PPTC7: variants seen among roughly 807,000 people sequenced by gnomAD.
PPTC7 encodes protein phosphatase PTC7 homolog.
Under a neutral mutation model 30.8 loss-of-function variants are expected in PPTC7, and 6 were observed. The observed-to-expected ratio is 0.19, with a 90% confidence interval of 0.11 to 0.38. PPTC7 has a LOEUF of 0.38. Among genes scored for constraint, PPTC7 ranks in the 10% least tolerant of loss-of-function variants. The pLI is 1.00. For synonymous variants in PPTC7, 163 were observed against 168.1 expected (o/e 0.97, Z 0.23); for missense variants, 218 against 404.8 (o/e 0.54, Z 3.96).
chr12:110,539,995 G>C (rs772716432), intron 3 of PPTC7, 50 bp from the exon 4 acceptor site: 2 of 1,577,096 alleles, frequency 1.3e-6, no homozygotes, highest in South Asian at 1.2e-5. Flanking sequence ...CTTTACAGAT[G>C]AGTTGAAAAT....
intron 1 of PPTC7, among the ~76,000 whole-genome samples, chr12:110,557,588 CAT>C (rs1174820428): frequency 6.6e-6 from 1 of 152,130 alleles, no homozygotes; most frequent in Non-Finnish European, 1.5e-5. Flanking sequence ...AAGTTTAACA[CAT>C]ATATTAGGCA....
chr12:110,545,855 C>G (rs749940785), intron 3 of PPTC7, 25 bp downstream of exon 3: 1 of 1,611,318 alleles, frequency 6.2e-7, no homozygotes, highest in Admixed American at 1.7e-5. Flanking sequence ...CCTGCTCACA[C>G]TTAATGGCTG....
chr12:110,561,225 C>G (rs1248303844), intron 1 of PPTC7, among the ~76,000 whole-genome samples: 1 of 152,136 alleles, frequency 6.6e-6, no homozygotes, highest in Non-Finnish European at 1.5e-5. Context: ...GCATGAAGCA[C>G]TGTAACTAGA....
chr12:110,568,401 T>C (rs892117406), intron 1 of PPTC7, among the ~76,000 whole-genome samples: 6 of 151,892 alleles, frequency 4.0e-5, no homozygotes, highest in Admixed American at 6.6e-5. Context: ...TACAGGCGCC[T>C]GCCACCACGC....
chr12:110,545,959 C>T lies in PPTC7; in HGVS notation c.523G>A (p.Glu175Lys). 2 of 1,614,186 alleles carry T rather than the reference C, an allele frequency of 1.2e-6. No homozygotes were observed. Among genetic ancestry groups the T allele is most frequent in the African/African-American group, 2.7e-5 (2 of 75,050 alleles). Residue 175 changes from glutamate to lysine, a missense_variant, in exon 3 of 6, where the codon GAG becomes AAG. Physicochemically the swap from Glu to Lys is moderately conservative, Grantham distance 56 (BLOSUM62 1). Coordinates refer to ENST00000354300, the MANE Select transcript of PPTC7 (RefSeq NM_139283.2). ...GGAGTGTTGAAGTAATGCTGCTGCT[C>T]ATCTGATCGGTGCACGACTTCACCA... is the stretch of plus-strand genomic sequence containing the variant. ...RGGEVVHRSD[E>K]QQHYFNTPFQ...
At chr12:110,559,079 A>T (rs568895534) in intron 1 of PPTC7, among the ~76,000 whole-genome samples, 154 of 152,268 alleles carry the variant, frequency 1.0e-3, no homozygotes, top group Non-Finnish European at 2.0e-3. Flanking sequence ...GCTGGAGTGC[A>T]GTGGTGCAAA....
chr12:110,556,378 G>T (rs1334951193), intron 1 of PPTC7, among the ~76,000 whole-genome samples: 2 of 152,084 alleles, frequency 1.3e-5, no homozygotes, highest in Admixed American at 6.6e-5. Context: ...GTTGTATTTG[G>T]GATGAGAATC....
At chr12:110,564,137 A>G (rs1217893073) in intron 1 of PPTC7, among the ~76,000 whole-genome samples, 1 of 152,044 alleles carries the variant, frequency 6.6e-6, no homozygotes, top group Non-Finnish European at 1.5e-5. Context: ...AGGTCACTTC[A>G]CTCCTTTCTG....
intron 3 of PPTC7, among the ~76,000 whole-genome samples, chr12:110,543,679 C>T (rs766071737): frequency 2.4e-4 from 36 of 152,146 alleles, no homozygotes; most frequent in African/African-American, 7.0e-4. Flanking sequence ...TTGGACAGTT[C>T]GTCCTCTCCT....
intron 1 of PPTC7, among the ~76,000 whole-genome samples, chr12:110,556,902 C>G (rs1013717027): frequency 2.0e-5 from 3 of 152,142 alleles, no homozygotes; most frequent in Non-Finnish European, 4.4e-5. Flanking sequence ...GCCTCAAGAA[C>G]AGTGCCAGCC....
chr12:110,555,573 A>G (rs2064379986), intron 1 of PPTC7, among the ~76,000 whole-genome samples: 1 of 152,230 alleles, frequency 6.6e-6, no homozygotes, highest in African/African-American at 2.4e-5. Flanking sequence ...CAAGAGCGGA[A>G]GGAGTTTAAG....
intron 1 of PPTC7, among the ~76,000 whole-genome samples, chr12:110,555,703 C>T (rs146972717): frequency 2.4e-4 from 36 of 152,162 alleles, no homozygotes; most frequent in African/African-American, 7.7e-4. Context: ...GAGAAGCAAC[C>T]GGGCTAACTA....
Position 110,551,917 on chromosome 12 carries a change from T to C in PPTC7, c.275A>G (p.Gln92Arg). 1 of 1,614,158 alleles carries C rather than the reference T, an allele frequency of 6.2e-7. No individual in the cohort carries two copies. The highest frequency in any genetic ancestry group is 1.1e-5 in the South Asian group (1 of 91,084). ...CGTCCGCATTAAAGTCCCTGAGAAT[T>C]GAGATGGATCAACTCCATAGTCTCT... The part of the protein sequence containing the change: ...GWRDYGVDPS[Q>R]FSGTLMRTCE... The change falls in exon 2 of 6, where the codon CAA becomes CGA. Residue 92 changes from glutamine to arginine, a missense_variant. Transcript: ENST00000354300.
intron 1 of PPTC7, among the ~76,000 whole-genome samples, chr12:110,581,112 A>G (rs2064633434): frequency 6.6e-6 from 1 of 152,114 alleles, no homozygotes. Flanking sequence ...TGTTATGAAC[A>G]CAACTTTAAG....
chr12:110,561,989 G>A (rs1318909303), intron 1 of PPTC7, among the ~76,000 whole-genome samples: 1 of 152,088 alleles, frequency 6.6e-6, no homozygotes, highest in Non-Finnish European at 1.5e-5. Context: ...ATTCAAGACT[G>A]TGAAATGTTG....
At chr12:110,576,384 C>T (rs1005968717) in intron 1 of PPTC7, among the ~76,000 whole-genome samples, 2 of 152,026 alleles carry the variant, frequency 1.3e-5, no homozygotes, top group Non-Finnish European at 2.9e-5. Context: ...AGGTATATAT[C>T]CCCTCAAATT....
Position 110,566,129 on chromosome 12 carries a change from G to A in PPTC7, c.224-14161C>T, listed in dbSNP as rs146969940. On this transcript the variant is annotated intron_variant, in intron 1 of 5. Transcript: ENST00000354300. ...CAGGAACCTCTCACCATTAATCAGC[G>A]CAAACAATGCAGTGCAGAGCTTACG... Among the ~76,000 whole-genome samples the A allele has an allele frequency of 4.0e-4, 59 of 148,198 alleles. No individual in the cohort carries two copies. In the East Asian group the frequency reaches 0.01, roughly 26 times the overall value.
At chr12:110,575,685 C>A (rs1210170587) in intron 1 of PPTC7, among the ~76,000 whole-genome samples, 1 of 142,064 alleles carries the variant, frequency 7.0e-6, no homozygotes, top group East Asian at 2.3e-4. Context: ...CAATTTAAAA[C>A]CTCCTTAATA....
chr12:110,548,726 C>A (rs1195600785), intron 2 of PPTC7, among the ~76,000 whole-genome samples: 1 of 152,202 alleles, frequency 6.6e-6, no homozygotes, highest in Admixed American at 6.5e-5. Flanking sequence ...CGAAGCCAGG[C>A]TATCCTTTGC....
Sources: gnomAD v4.1 joint callset for allele counts (sites outside exome capture counted in the v4.1 genomes callset) on GRCh38, gnomAD v4.1.1 for gene constraint, MANE v1.5 for transcripts, NCBI Gene and HGNC (gene_info 2026-07-23, HGNC 2026-07-21) for gene names.